The following TMCC2 variants were observed in gnomAD, a reference collection of about 807,000 sequenced individuals.
The protein encoded by TMCC2 is transmembrane and coiled-coil domains protein 2.
In TMCC2, 16 loss-of-function variants were observed where a neutral mutation model predicts 49.4. The observed-to-expected ratio is 0.32, with a 90% CI of 0.22 to 0.49. The LOEUF (loss-of-function observed/expected upper bound fraction) is 0.49. Among genes scored for constraint, TMCC2 ranks in the 20% least tolerant of loss-of-function variants. The pLI, the probability that TMCC2 is intolerant of heterozygous loss-of-function variation, is 0.99. For missense variants in TMCC2, 762 were observed against 989.8 expected (o/e 0.77, Z 3.09); for synonymous variants, 397 against 434.1 (o/e 0.91, Z 1.06).
chr1:205,251,736 A>G (rs1291842756), intron 2 of TMCC2, among the ~76,000 whole-genome samples: 1 of 152,226 alleles, frequency 6.6e-6, no homozygotes, highest in Admixed American at 6.5e-5. Context: ...GCTTATGGGC[A>G]TGCCCCCCAA....
At chr1:205,253,385 C>T (rs1350597687) in intron 2 of TMCC2, among the ~76,000 whole-genome samples, 1 of 152,174 alleles carries the variant, frequency 6.6e-6, no homozygotes, top group African/African-American at 2.4e-5. Context: ...TGCCCAGGAC[C>T]TGGGCTTCCT....
intron 2 of TMCC2, among the ~76,000 whole-genome samples, chr1:205,262,819 AAGG>A (rs973506648): frequency 7.9e-5 from 12 of 152,070 alleles, no homozygotes; most frequent in Non-Finnish European, 1.3e-4. Context: ...TGCAGGATCT[AAGG>A]AGGAGGCTGG....
chr1:205,256,272 C>CA (rs1230899666), intron 2 of TMCC2: 2 of 1,542,000 alleles, frequency 1.3e-6, no homozygotes, highest in Non-Finnish European at 1.7e-6. Context: ...AGAGATCCAG[C>CA]AGGCCCCAGG....
intron 2 of TMCC2, among the ~76,000 whole-genome samples, chr1:205,251,128 G>T (rs778728337): frequency 2.0e-5 from 3 of 152,144 alleles, no homozygotes; most frequent in African/African-American, 4.8e-5. Flanking sequence ...CAGAGCAGAG[G>T]GCGCTGAAAT....
chr1:205,260,922 A>G (rs1468844851), intron 2 of TMCC2, among the ~76,000 whole-genome samples: 1 of 152,190 alleles, frequency 6.6e-6, no homozygotes, highest in East Asian at 1.9e-4. Flanking sequence ...TGACCCATTC[A>G]TCAGTTAATG....
chr1:205,239,995 CTG>C (rs910656208), intron 1 of TMCC2, among the ~76,000 whole-genome samples: 14 of 152,078 alleles, frequency 9.2e-5, no homozygotes, highest in African/African-American at 2.4e-4. Context: ...AAAATCCAGT[CTG>C]TGTAATTTTT....
intron 1 of TMCC2, chr1:205,229,574 G>A (rs945770038): frequency 1.7e-5 from 16 of 928,568 alleles, no homozygotes; most frequent in Middle Eastern, 1.1e-3. Flanking sequence ...GCGGGGGCGG[G>A]GGGGGAAGGT....
At chr1:205,243,493 G>C (rs1268851948) in intron 2 of TMCC2, among the ~76,000 whole-genome samples, 1 of 152,236 alleles carries the variant, frequency 6.6e-6, no homozygotes, top group Non-Finnish European at 1.5e-5. Flanking sequence ...GCAGCAGTGG[G>C]GATGGAAAGA....
intron 4 of TMCC2, chr1:205,271,475 C>G (rs975370641): frequency 2.7e-6 from 2 of 742,648 alleles, no homozygotes; most frequent in Non-Finnish European, 4.3e-6. Context: ...GGCAAGCCCA[C>G]AGGGCAGAGG....
chr1:205,269,840 G>A lies in TMCC2; in HGVS notation c.1638G>A (p.Arg546=), dbSNP rs1426472004. Residue 546 remains arginine, a synonymous_variant, in exon 3 of 5, where the codon AGG becomes AGA. Coordinates refer to ENST00000358024, the MANE Select transcript of TMCC2 (RefSeq NM_014858.4). ...SMEDLKTQLQ[R]DYTYMTQCLQ... is the part of the protein sequence containing the mutation. ...AAGACCTGAAGACTCAGCTGCAGAGGGACTACACCTACATGACCCAGTGCC... is the reference window on the plus strand; with the variant it reads ...AAGACCTGAAGACTCAGCTGCAGAGAGACTACACCTACATGACCCAGTGCC... The A allele has an allele frequency of 6.2e-7, 1 of 1,614,020 alleles. No homozygotes were observed. The highest frequency in any genetic ancestry group is 1.1e-5 in the South Asian group (1 of 91,082).
rs1305763999 is a variant in TMCC2, at chr1:205,228,728, C to A, written c.164C>A (p.Ala55Glu). ...GGPTSDAGAA[A>E]APNPGPRSKP... Reference sequence around the variant, plus strand: ...CCAACTTCAGACGCCGGCGCTGCCGCGGCGCCCAACCCAGGTCCCCGAAGC... The same window carrying A: ...CCAACTTCAGACGCCGGCGCTGCCGAGGCGCCCAACCCAGGTCCCCGAAGC... The change falls in exon 1 of 5, where the codon GCG (alanine) becomes GAG (glutamate). Residue 55 changes from alanine (A) to glutamate (E), a missense_variant. By Grantham distance (107) the Ala-to-Glu change is moderately radical. Around this residue, in one of 2 missense-constraint regions of TMCC2, gnomAD observed 322 missense variants for 353.1 expected, o/e 0.91. Coordinates refer to ENST00000358024, the MANE Select transcript of TMCC2 (RefSeq NM_014858.4). 1 of 1,610,332 alleles carries A rather than the reference C, an allele frequency of 6.2e-7. No homozygotes were observed. The highest frequency in any genetic ancestry group is 8.5e-7 in the Non-Finnish European group (1 of 1,179,112).
At chr1:205,256,135 G>T in intron 2 of TMCC2, 8 of 1,265,262 alleles carry the variant, frequency 6.3e-6, no homozygotes, top group Non-Finnish European at 8.4e-6. Flanking sequence ...TTGAATTTGG[G>T]ACTACCCAAT....
At chr1:205,233,330 T>TCC (rs1659884678) in intron 1 of TMCC2, among the ~76,000 whole-genome samples, 2 of 152,196 alleles carry the variant, frequency 1.3e-5, no homozygotes, top group African/African-American at 4.8e-5. Flanking sequence ...ATTCCATCAT[T>TCC]CCCCTCCTGG....
In TMCC2 at chr1:205,241,689, G is replaced by A. The variant is rs1182470181; in HGVS notation, c.392G>A (p.Arg131His). Residue 131 changes from arginine (R) to histidine (H), a missense_variant, in exon 2 of 5, where the codon CGC becomes CAC. Transcript: ENST00000358024. The surrounding 1 kb of genome is among the most constrained non-coding windows in gnomAD (Gnocchi z 7.3). ...DEKERSPEMH[R>H]VSYAMSLHDL... ...AAGGAGCGCTCTCCGGAGATGCATC[G>A]CGTCTCCTACGCCATGTCCCTGCAC... The A allele has an allele frequency of 6.8e-6, 11 of 1,613,580 alleles. No homozygotes were observed. Among genetic ancestry groups the A allele is most frequent in the South Asian group, 1.1e-5 (1 of 91,078 alleles).
At chr1:205,233,398 C>T (rs1355044970) in intron 1 of TMCC2, among the ~76,000 whole-genome samples, 1 of 152,188 alleles carries the variant, frequency 6.6e-6, no homozygotes, top group Non-Finnish European at 1.5e-5. Context: ...CCAGTCACAC[C>T]ATACACTGGT....
chr1:205,268,917 A>C (rs1574870075), intron 2 of TMCC2, 33 bp from the exon 3 acceptor site: 1 of 1,602,636 alleles, frequency 6.2e-7, no homozygotes, highest in South Asian at 1.1e-5. Context: ...CCCAGGGTTT[A>C]CCCATGCTTC....
chr1:205,230,287 C>A, intron 1 of TMCC2: 1 of 586,170 alleles, frequency 1.7e-6, no homozygotes, highest in Non-Finnish European at 2.2e-6. Flanking sequence ...AGTAATTATT[C>A]AAATCTGAAC....
At chr1:205,236,059 A>C (rs1660030453) in intron 1 of TMCC2, among the ~76,000 whole-genome samples, 2 of 122,488 alleles carry the variant, frequency 1.6e-5, no homozygotes, top group African/African-American at 6.9e-5. Context: ...ACACAGCAGG[A>C]CTCTGTCTCA....
At chr1:205,252,475 G>A (rs1393024004) in intron 2 of TMCC2, among the ~76,000 whole-genome samples, 3 of 152,204 alleles carry the variant, frequency 2.0e-5, no homozygotes, top group Non-Finnish European at 4.4e-5. Flanking sequence ...CATTTCCCTG[G>A]GGGTTAGCAG....
Sources: gnomAD v4.1 joint callset for allele counts (sites outside exome capture counted in the v4.1 genomes callset) on GRCh38, gnomAD v4.1.1 for gene constraint, gnomAD v4.1.1 regional missense constraint, Gnocchi (gnomAD v3.1) non-coding constraint, MANE v1.5 for transcripts, NCBI Gene and HGNC (gene_info 2026-07-23, HGNC 2026-07-21) for gene names.